Variants in TUT7 observed in about 807,000 individuals in gnomAD.
TUT7 encodes terminal uridylyltransferase 7.
A neutral mutation model predicts 165.9 loss-of-function variants in TUT7; 33 were observed. The observed-to-expected ratio is 0.20, with a 90% CI of 0.15 to 0.27. The LOEUF is 0.27. Ranked by LOEUF, TUT7 falls within the 10% of genes least tolerant of loss-of-function variation. The pLI is 1.00. For synonymous variants in TUT7, 552 were observed against 608.1 expected, an observed-to-expected ratio of 0.91 and a Z score of 1.36; for missense variants, 1,338 against 1,762.3, an observed-to-expected ratio of 0.76 and a Z score of 4.31.
chr9:86,353,636 T>A (rs946114048), intron 1 of TUT7, among the ~76,000 whole-genome samples: 1 of 152,186 alleles, frequency 6.6e-6, no homozygotes, highest in African/African-American at 2.4e-5. Flanking sequence ...CTTTTGTTTT[T>A]TAAGTTGGCA....
At chr9:86,345,219 G>A in intron 4 of TUT7, 65 bp from the exon 5 acceptor site, 2 of 1,472,484 alleles carry the variant, frequency 1.4e-6, no homozygotes, top group Non-Finnish European at 1.8e-6. Context: ...TACCACTCAT[G>A]AAGACAACAC....
At position 86,337,579 on chromosome 9, in the gene TUT7, T is replaced by A. The variant is rs746823419; in HGVS notation, c.1336-41A>T. 7 of 1,577,296 alleles carry A rather than the reference T, an allele frequency of 4.4e-6. No individual in the cohort carries two copies. In the Admixed American group the frequency reaches 1.4e-4, roughly 31 times the overall value. ...AAGAAAGTTAAGCATTCTTTTTGTA[T>A]GAATTTGTCATTTACACGATTTGGC... On this transcript the variant is annotated intron_variant, in intron 9 of 26. Transcript: ENST00000375963.
chr9:86,349,037 G>A (rs955901462), intron 2 of TUT7, among the ~76,000 whole-genome samples: 2 of 152,092 alleles, frequency 1.3e-5, no homozygotes, highest in Non-Finnish European at 1.5e-5. Context: ...CCAGCATTTT[G>A]GGAGGCCGAG....
rs192219399 is a variant in TUT7 at position 86,297,665 on chromosome 9, A to C, written c.4420+3611T>G. 2.5e-3 allele frequency among the ~76,000 whole-genome samples: 380 copies of C among 152,192 alleles called. 7 individuals carry two copies. Among genetic ancestry groups the C allele is most frequent in the Admixed American group, 0.022 (343 of 15,278 alleles). Reference sequence around the variant, plus strand: ...CAACATAGTGAGACCACATCTCTACAAATCGGGAGGCTGAGATGGCTTGGT... The same window carrying C: ...CAACATAGTGAGACCACATCTCTACCAATCGGGAGGCTGAGATGGCTTGGT... On this transcript the variant is annotated intron_variant, in intron 26 of 26. Coordinates refer to ENST00000375963, the MANE Select transcript of TUT7 (RefSeq NM_024617.4).
intron 16 of TUT7, 136 bp from the exon 17 acceptor site, chr9:86,317,412 G>A (rs749832763): frequency 1.3e-4 from 92 of 693,220 alleles, no homozygotes; most frequent in Non-Finnish European, 2.0e-4. Context: ...CTTTCTAGTT[G>A]GGTATTAGAG....
chr9:86,352,767 T>C lies in TUT7; in HGVS notation c.433A>G (p.Thr145Ala). Residue 145 changes from threonine (T) to alanine (A), a missense_variant, in exon 2 of 27, where the codon ACA (threonine) becomes GCA (alanine). By Grantham distance (58) the Thr-to-Ala change is moderately conservative. This residue lies in a region of TUT7 where 434 missense variants were observed against 480.8 expected (regional missense o/e 0.90). Transcript: ENST00000375963. ...CGTCTTACAGTTCTGCAGCCTCTTG[T>C]GTCTTGCCACCTATAACCATCTTCA... The part of the protein sequence containing the change: ...ENEDGYRWQD[T>A]RGCRTVRRLF... The C allele has an allele frequency of 1.1e-5, 18 of 1,614,210 alleles. No homozygotes were observed. Among genetic ancestry groups the C allele is most frequent in the Non-Finnish European group, 1.5e-5 (18 of 1,180,040 alleles).
intron 21 of TUT7, 34 bp from the exon 22 acceptor site, chr9:86,308,640 C>T (rs1299153449): frequency 6.5e-7 from 1 of 1,540,682 alleles, no homozygotes; most frequent in Admixed American, 2.0e-5. Context: ...ATACCATGGT[C>T]TTTAGTGAAG....
chr9:86,340,987 G>T lies in TUT7; in HGVS notation c.1138+15C>A. ...GACAACATAAAAATTTTTTAAATGT[G>T]GAATTTGGCCTTACCACTGTTCTTT... On this transcript the variant is annotated intron_variant, in intron 7 of 26. Coordinates refer to ENST00000375963, the MANE Select transcript of TUT7 (RefSeq NM_024617.4). The T allele has an allele frequency of 6.2e-7, 1 of 1,602,594 alleles. No individual in the cohort carries two copies. Among genetic ancestry groups the T allele is most frequent in the Non-Finnish European group, 8.5e-7 (1 of 1,173,324 alleles).
At chr9:86,297,015 AC>A (rs1386931480) in intron 26 of TUT7, among the ~76,000 whole-genome samples, 1 of 152,224 alleles carries the variant, frequency 6.6e-6, no homozygotes, top group Admixed American at 6.5e-5. Flanking sequence ...TTATTGCAAT[AC>A]ATTTTTCCTG....
chr9:86,339,411 G>A (rs150443559), intron 8 of TUT7, among the ~76,000 whole-genome samples: 21 of 152,176 alleles, frequency 1.4e-4, no homozygotes, highest in Middle Eastern at 3.4e-3. Context: ...CCAACTACTC[G>A]GAAGTCTGAG....
In TUT7 at chr9:86,328,510, C is replaced by T. The variant is rs1830010071; in HGVS notation, c.1456-18G>A. 1.9e-6 allele frequency: 3 copies of T among 1,588,878 alleles called. No individual in the cohort carries two copies. Among genetic ancestry groups the T allele is most frequent in the South Asian group, 2.3e-5 (2 of 86,920 alleles). On this transcript the variant is annotated intron_variant, in intron 10 of 26. Coordinates refer to ENST00000375963, the MANE Select transcript of TUT7 (RefSeq NM_024617.4). ...CCTTCAATCTAGGAAAAATTAGACA[C>T]ATGCTAAAATAAGATAGAAATAATC...
chr9:86,344,652 C>T (rs2131588185), intron 5 of TUT7, among the ~76,000 whole-genome samples: 1 of 145,244 alleles, frequency 6.9e-6, no homozygotes, highest in East Asian at 2.1e-4. Flanking sequence ...TTGATTTTAA[C>T]TCAAAATATG....
chr9:86,352,078 G>A (rs1033564008), intron 2 of TUT7, among the ~76,000 whole-genome samples: 1 of 151,760 alleles, frequency 6.6e-6, no homozygotes, highest in Admixed American at 6.6e-5. Flanking sequence ...AAACAGCAAA[G>A]CTTGAATCTA....
At chr9:86,350,878 A>C (rs752284207) in intron 2 of TUT7, among the ~76,000 whole-genome samples, 1 of 152,188 alleles carries the variant, frequency 6.6e-6, no homozygotes, top group Non-Finnish European at 1.5e-5. Context: ...CACGCCTGTA[A>C]TCCCAGCACT....
At position 86,303,485 on chromosome 9, in the gene TUT7, C is replaced by T. The variant is rs369464541; in HGVS notation, c.3979-284G>A. Among the ~76,000 whole-genome samples the T allele has an allele frequency of 1.5e-4, 23 of 152,270 alleles. No homozygotes were observed. In the South Asian group the frequency reaches 1.9e-3, roughly 12 times the overall value. ...CACACTTCTAAAGAAGCGGATGAGT[C>T]AGCTTTTCAGGATGTGGGAGGGAGT... On this transcript the variant is annotated intron_variant, in intron 24 of 26. Coordinates refer to ENST00000375963, the MANE Select transcript of TUT7 (RefSeq NM_024617.4).
chr9:86,332,266 T>C (rs2131506438), intron 10 of TUT7, among the ~76,000 whole-genome samples: 1 of 152,158 alleles, frequency 6.6e-6, no homozygotes, highest in Non-Finnish European at 1.5e-5. Context: ...CTATTCACAA[T>C]AGCAAAGACG....
chr9:86,301,798 TTTC>T, intron 25 of TUT7, 197 bp from the exon 26 acceptor site: 2 of 985,432 alleles, frequency 2.0e-6, no homozygotes, highest in East Asian at 1.1e-4. Context: ...GGGTGCAGTT[TTTC>T]TTCTTCATTT....
chr9:86,353,741 A>ACT (rs1832501126), intron 1 of TUT7, among the ~76,000 whole-genome samples: 1 of 152,134 alleles, frequency 6.6e-6, no homozygotes, highest in Admixed American at 6.5e-5. Flanking sequence ...CCTATTCTGG[A>ACT]CAGACCGGCT....
rs765657868 is a variant in TUT7 at position 86,328,387 on chromosome 9, T to C, written c.1561A>G (p.Ile521Val). 18 of 1,610,410 alleles carry C rather than the reference T, an allele frequency of 1.1e-5. No homozygotes were observed. The highest frequency in any genetic ancestry group is 1.4e-5 in the Non-Finnish European group (16 of 1,178,100). ...HTDSAAGDTG[I>V]TKEEAPRETP... Reference sequence around the variant, plus strand: ...TCTCTTGGTGCCTCTTCTTTTGTTATGCCTGTGTCCCCTGCAGCACTGTCA... The same window carrying C: ...TCTCTTGGTGCCTCTTCTTTTGTTACGCCTGTGTCCCCTGCAGCACTGTCA... The change falls in exon 11 of 27, where the codon ATA (isoleucine) becomes GTA (valine). Residue 521 changes from isoleucine to valine, a missense_variant. By Grantham distance (29) the Ile-to-Val change is conservative. Transcript: ENST00000375963.
Sources: allele counts gnomAD v4.1 joint callset (sites outside exome capture counted in the v4.1 genomes callset), GRCh38; gene constraint gnomAD v4.1.1; regional missense constraint gnomAD v4.1.1; transcripts MANE v1.5; gene names NCBI Gene and HGNC (gene_info 2026-07-23, HGNC 2026-07-21).